PEAK1: variants seen among roughly 807,000 people sequenced by gnomAD.
PEAK1 encodes inactive tyrosine-protein kinase PEAK1.
Under a neutral mutation model 124.7 loss-of-function variants are expected in PEAK1, and 54 were observed. That is an observed-to-expected ratio of 0.43 (90% confidence interval 0.35 to 0.54). The LOEUF is 0.54. Among genes scored for constraint, PEAK1 ranks in the 20% least tolerant of loss-of-function variants. The probability of loss-of-function intolerance (pLI) is 0.01; values close to 1 mark genes in which losing one functional copy is unlikely to be tolerated. For missense variants in PEAK1, 2,046 were observed against 2,134.5 expected (o/e 0.96, Z 0.82); for synonymous variants, 719 against 760.0 (o/e 0.95, Z 0.89).
intron 2 of PEAK1, among the ~76,000 whole-genome samples, chr15:77,344,039 C>T (rs2066716169): frequency 6.6e-6 from 1 of 152,122 alleles, no homozygotes; most frequent in African/African-American, 2.4e-5. Context: ...AATGGTCTCG[C>T]CACCCTTGTT....
chr15:77,293,621 C>T (rs1180836123), intron 2 of PEAK1, among the ~76,000 whole-genome samples: 1 of 152,156 alleles, frequency 6.6e-6, no homozygotes. Flanking sequence ...TATTTTCACA[C>T]ACTTTTATTA....
intron 2 of PEAK1, among the ~76,000 whole-genome samples, chr15:77,324,480 T>G (rs538735389): frequency 6.6e-6 from 1 of 152,042 alleles, no homozygotes; most frequent in African/African-American, 2.4e-5. Context: ...AAAGAAAAAA[T>G]AAAATACTGT....
chr15:77,137,735 AC>A (rs1304727386), intron 8 of PEAK1, among the ~76,000 whole-genome samples: 1 of 152,020 alleles, frequency 6.6e-6, no homozygotes, highest in Non-Finnish European at 1.5e-5. Context: ...TGGACTATGG[AC>A]TTTTGAGTTA....
intron 2 of PEAK1, chr15:77,334,022 T>C: frequency 3.6e-6 from 2 of 549,244 alleles, no homozygotes; most frequent in Non-Finnish European, 2.3e-6. Flanking sequence ...GACTGAGTCC[T>C]GCTTATTAGA....
At chr15:77,378,084 A>T (rs2069172635) in intron 1 of PEAK1, among the ~76,000 whole-genome samples, 1 of 151,980 alleles carries the variant, frequency 6.6e-6, no homozygotes, top group African/African-American at 2.4e-5. Flanking sequence ...TCATTTGAAT[A>T]TGCTATTATT....
chr15:77,394,329 G>A lies in PEAK1; in HGVS notation c.-666+25677C>T, dbSNP rs151094433. Among the ~76,000 whole-genome samples, 15 of 152,298 alleles carry A rather than the reference G, an allele frequency of 9.8e-5. No homozygotes were observed. The East Asian group carries it at 2.7e-3, about 27-fold the overall frequency. On this transcript the variant is annotated intron_variant, in intron 1 of 9. Coordinates refer to ENST00000682557, the MANE Select transcript of PEAK1 (RefSeq NM_001385026.1). The stretch of plus-strand genomic sequence containing the variant: ...TTACCATGGGCCTTGAGTGAGAGCC[G>A]GTGCCATGCTGACCGCAGGTCTGAC...
At chr15:77,316,289 A>C (rs1266865882) in intron 2 of PEAK1, among the ~76,000 whole-genome samples, 1 of 152,118 alleles carries the variant, frequency 6.6e-6, no homozygotes, top group Non-Finnish European at 1.5e-5. Context: ...GACTTTTAAA[A>C]CTTCTGTAAT....
rs59270850 is a variant in PEAK1 at position 77,226,230 on chromosome 15, GAA to G, written c.-115+26135_-115+26136del. 9.8e-5 allele frequency among the ~76,000 whole-genome samples: 13 copies of G among 133,218 alleles called. 1 individual carries two copies. The East Asian group carries it at 1.1e-3, about 11-fold the overall frequency. The allele number at this position is 133,218 out of a possible 152,430, so 87.4% of individuals were successfully genotyped here. On this transcript the variant is annotated intron_variant, in intron 6 of 9. Transcript: ENST00000682557. The stretch of plus-strand genomic sequence containing the variant: ...GTTAAACATTCTAAAGATATTTCAA[GAA>G]AAAAAAAAAACCCTGTCTTTGATAT...
rs753980260 is a variant in PEAK1, at chr15:77,179,748, T to G, written c.2179A>C (p.Ser727Arg). The G allele has an allele frequency of 1.2e-6, 2 of 1,614,138 alleles. No individual in the cohort carries two copies. ...QSSPQRSYSS[S>R]HSSPAKIQRA... ...TGGATCTTTGCTGGGGAGCTGTGGC[T>G]GGAACTATAGCTTCTCTGTGGTGAA... Residue 727 changes from serine (S) to arginine (R), a missense_variant, in exon 7 of 10, where the codon AGC (serine) becomes CGC (arginine). Ser to Arg is a moderately radical substitution (Grantham distance 110, BLOSUM62 -1). Transcript: ENST00000682557.
At chr15:77,412,844 T>C (rs555397849) in intron 1 of PEAK1, among the ~76,000 whole-genome samples, 1 of 151,914 alleles carries the variant, frequency 6.6e-6, no homozygotes, top group South Asian at 2.1e-4. Flanking sequence ...GAAGTGTGCA[T>C]GTACATACGC....
At chr15:77,142,163 TA>T (rs2152755403) in intron 8 of PEAK1, among the ~76,000 whole-genome samples, 1 of 152,258 alleles carries the variant, frequency 6.6e-6, no homozygotes, top group Admixed American at 6.5e-5. Flanking sequence ...TAAAAATGGG[TA>T]AAAGATTTGC....
intron 6 of PEAK1, among the ~76,000 whole-genome samples, chr15:77,214,769 C>T (rs2059071944): frequency 6.6e-6 from 1 of 152,058 alleles, no homozygotes; most frequent in Admixed American, 6.6e-5. Context: ...ATATGGCCAG[C>T]AGGAGAGAGA....
chr15:77,343,312 GTT>G (rs936897197), intron 2 of PEAK1, among the ~76,000 whole-genome samples: 2 of 151,946 alleles, frequency 1.3e-5, no homozygotes, highest in Admixed American at 1.3e-4. Flanking sequence ...GAATTGTTTG[GTT>G]TTTTGTAGTT....
At chr15:77,275,629 T>C (rs1295386838) in intron 5 of PEAK1, among the ~76,000 whole-genome samples, 1 of 151,844 alleles carries the variant, frequency 6.6e-6, no homozygotes, top group Non-Finnish European at 1.5e-5. Context: ...GGCAGGAGAA[T>C]TGCTTGAACC....
At chr15:77,363,521 G>A (rs1449846394) in intron 2 of PEAK1, among the ~76,000 whole-genome samples, 1 of 152,100 alleles carries the variant, frequency 6.6e-6, no homozygotes, top group African/African-American at 2.4e-5. Context: ...CTATAAAACA[G>A]CAGGAACCTT....
intron 6 of PEAK1, among the ~76,000 whole-genome samples, chr15:77,228,860 T>C (rs1354184997): frequency 6.6e-6 from 1 of 152,210 alleles, no homozygotes; most frequent in Non-Finnish European, 1.5e-5. Context: ...CTCTAGGTTC[T>C]AATGGGATAA....
chr15:77,128,366 T>C (rs967619657), intron 9 of PEAK1, among the ~76,000 whole-genome samples: 1 of 152,300 alleles, frequency 6.6e-6, no homozygotes, highest in East Asian at 1.9e-4. Context: ...AAGGGAAGAA[T>C]GATCCTGAAA....
At chr15:77,398,214 C>T (rs992029019) in intron 1 of PEAK1, among the ~76,000 whole-genome samples, 17 of 152,140 alleles carry the variant, frequency 1.1e-4, no homozygotes, top group Non-Finnish European at 2.2e-4. Flanking sequence ...TCAAACTATT[C>T]TGAAAGATAG....
chr15:77,168,235 G>GCA (rs768288460), intron 7 of PEAK1, among the ~76,000 whole-genome samples: 50 of 59,640 alleles, frequency 8.4e-4, no homozygotes, highest in African/African-American at 1.4e-3. Flanking sequence ...GCATGTGCGC[G>GCA]CGCACACACA....
Sources: gnomAD v4.1 joint callset for allele counts (sites outside exome capture counted in the v4.1 genomes callset) on GRCh38, gnomAD v4.1.1 for gene constraint, MANE v1.5 for transcripts, NCBI Gene and HGNC (gene_info 2026-07-23, HGNC 2026-07-21) for gene names.